MKLN1: variants seen among roughly 807,000 people sequenced by gnomAD.
MKLN1 encodes the protein muskelin 1.
In MKLN1, 18 loss-of-function variants were observed where a neutral mutation model predicts 99.0. That is an observed-to-expected ratio of 0.18 (90% CI 0.13 to 0.27). The LOEUF (loss-of-function observed/expected upper bound fraction) is 0.27, where lower values mean the gene tolerates loss of function less well. MKLN1 is among the 10% of genes least tolerant of loss of function. The pLI is 1.00. For synonymous variants in MKLN1, 288 were observed against 293.2 expected, an observed-to-expected ratio of 0.98 and a Z score of 0.18; for missense variants, 621 against 875.9, an observed-to-expected ratio of 0.71 and a Z score of 3.67.
At chr7:131,451,647 A>G (rs763354685) in intron 12 of MKLN1, among the ~76,000 whole-genome samples, 12 of 152,342 alleles carry the variant, frequency 7.9e-5, no homozygotes, top group Admixed American at 3.3e-4. Context: ...ATTTAAATCA[A>G]TGGATTGGCA....
chr7:131,345,056 T>C (rs1356750451), intron 1 of MKLN1, among the ~76,000 whole-genome samples: 1 of 152,208 alleles, frequency 6.6e-6, no homozygotes, highest in Non-Finnish European at 1.5e-5. Flanking sequence ...TCCACCCGCC[T>C]TGGCCTCCCA....
chr7:131,421,732 T>C (rs79170147), intron 8 of MKLN1, among the ~76,000 whole-genome samples: 5 of 152,322 alleles, frequency 3.3e-5, no homozygotes, highest in African/African-American at 1.2e-4. Flanking sequence ...TTTGCATAAT[T>C]TGACAAAATT....
intron 11 of MKLN1, among the ~76,000 whole-genome samples, chr7:131,444,718 GAGTAGTAGT>G (rs60571380): frequency 0.011 from 1,386 of 128,728 alleles, 22 homozygotes; most frequent in African/African-American, 0.02. Flanking sequence ...CCTGGGTTTT[GAGTAGTAGT>G]AGTAGTAGTA....
At chr7:131,477,807 A>G (rs1797008963) in intron 16 of MKLN1, among the ~76,000 whole-genome samples, 1 of 152,208 alleles carries the variant, frequency 6.6e-6, no homozygotes, top group Non-Finnish European at 1.5e-5. Flanking sequence ...CTAACTGCTC[A>G]AGTCTTGGGA....
chr7:131,434,697 G>A (rs776786271), intron 9 of MKLN1, among the ~76,000 whole-genome samples: 3 of 152,136 alleles, frequency 2.0e-5, no homozygotes, highest in Non-Finnish European at 4.4e-5. Flanking sequence ...GGGACCACAG[G>A]CGCGTGCCTC....
At position 131,121,961 on chromosome 7, in the gene MKLN1, T is replaced by A. The variant is rs573565745; in HGVS notation, c.-419+11754T>A. Among the ~76,000 whole-genome samples the A allele has an allele frequency of 1.5e-4, 23 of 152,342 alleles. 2 individuals are homozygous for A. The South Asian group carries it at 4.8e-3, about 32-fold the overall frequency. On this transcript the variant is annotated intron_variant, in intron 1 of 7. Transcript: ENST00000416992. ...GACTGAGAATCAGAAACCAGGAGAC[T>A]ACGGGGCCAAGGAAACCAAGAGAAG... is the stretch of plus-strand genomic sequence containing the variant.
chr7:131,300,711 G>A (rs67405488), intron 3 of MKLN1, among the ~76,000 whole-genome samples: 6,850 of 53,324 alleles, frequency 0.13, 502 homozygotes, highest in African/African-American at 0.24. Context: ...CAACCAAAAA[G>A]AAAAAAAAAG....
chr7:131,428,207 A>G (rs1016380881), intron 8 of MKLN1, among the ~76,000 whole-genome samples: 4 of 152,276 alleles, frequency 2.6e-5, no homozygotes, highest in African/African-American at 7.2e-5. Flanking sequence ...AGAAGGATCT[A>G]TGATACACAA....
At chr7:131,352,429 A>AT (rs1413086080) in intron 1 of MKLN1, among the ~76,000 whole-genome samples, 1 of 152,118 alleles carries the variant, frequency 6.6e-6, no homozygotes, top group Non-Finnish European at 1.5e-5. Context: ...TAGGAAATAA[A>AT]TTTTTTTAAG....
chr7:131,437,680 A>G, intron 9 of MKLN1, 105 bp from the exon 10 acceptor site: 3 of 844,644 alleles, frequency 3.6e-6, no homozygotes, highest in East Asian at 2.7e-5. Context: ...GAAACCTTTT[A>G]ATGAAAGGTA....
intron 16 of MKLN1, among the ~76,000 whole-genome samples, chr7:131,475,014 A>G (rs536791154): frequency 2.2e-4 from 34 of 152,298 alleles, no homozygotes; most frequent in Admixed American, 1.0e-3. Flanking sequence ...AGAACTCACT[A>G]TCACAAGAAC....
chr7:131,405,690 A>G (rs1230486673), intron 6 of MKLN1, among the ~76,000 whole-genome samples: 1 of 152,038 alleles, frequency 6.6e-6, no homozygotes, highest in East Asian at 1.9e-4. Context: ...GCTCTTTGGA[A>G]GAACTGTGGT....
At chr7:131,332,106 A>G (rs948381572) in intron 1 of MKLN1, among the ~76,000 whole-genome samples, 1 of 151,846 alleles carries the variant, frequency 6.6e-6, no homozygotes, top group African/African-American at 2.4e-5. Flanking sequence ...ATTTATTTCA[A>G]CTCTTTTCAA....
chr7:131,189,499 G>A (rs1796502121), intron 2 of MKLN1, among the ~76,000 whole-genome samples: 1 of 149,294 alleles, frequency 6.7e-6, no homozygotes, highest in African/African-American at 2.5e-5. Flanking sequence ...CGGTATTTCA[G>A]AATCCCCCTA....
chr7:131,299,454 AT>A (rs559493238), intron 3 of MKLN1, among the ~76,000 whole-genome samples: 2 of 152,114 alleles, frequency 1.3e-5, no homozygotes, highest in African/African-American at 4.8e-5. Flanking sequence ...TATGAGCTAG[AT>A]TTTTTTCTCC....
intron 12 of MKLN1, among the ~76,000 whole-genome samples, chr7:131,455,317 C>T (rs1300886918): frequency 1.3e-5 from 2 of 152,012 alleles, no homozygotes; most frequent in Non-Finnish European, 2.9e-5. Context: ...CTCCCATTTG[C>T]TTAGAGGATA....
chr7:131,167,684 A>T lies in MKLN1; in HGVS notation c.-297+24743A>T, dbSNP rs190577954. On this transcript the variant is annotated intron_variant, in intron 2 of 7. Transcript: ENST00000416992. ...AAGACTCTGTCTCAAAAAAAAAAAAAAATAATGTGGAAAAGAAAACACACA... is the reference window on the plus strand; with the variant it reads ...AAGACTCTGTCTCAAAAAAAAAAAATAATAATGTGGAAAAGAAAACACACA... Among the ~76,000 whole-genome samples, 1,330 of 151,958 alleles carry T rather than the reference A, an allele frequency of 8.8e-3. 18 individuals are homozygous for T. The highest frequency in any genetic ancestry group is 0.028 in the African/African-American group (1,174 of 41,396).
rs61649941 is a variant in MKLN1, at chr7:131,344,948, C to T, written c.98+16951C>T. On this transcript the variant is annotated intron_variant, in intron 1 of 17. Transcript: ENST00000352689. ...TCCCGAGTAGCTGGGATTACAGGCA[C>T]GCACCACTGCGCCTGGCTAATTTTT... 6.3e-3 allele frequency among the ~76,000 whole-genome samples: 961 copies of T among 152,054 alleles called. 7 individuals are homozygous for T. The highest frequency in any genetic ancestry group is 0.022 in the African/African-American group (901 of 41,480).
At chr7:131,418,369 CAAAAAAAAA>C (rs943898750) in intron 8 of MKLN1, among the ~76,000 whole-genome samples, 1 of 54,784 alleles carries the variant, frequency 1.8e-5, no homozygotes, top group African/African-American at 6.2e-5. Flanking sequence ...GACTTCGTCT[CAAAAAAAAA>C]AAAAAAAAAA....
Sources: allele counts gnomAD v4.1 joint callset (sites outside exome capture counted in the v4.1 genomes callset), GRCh38; gene constraint gnomAD v4.1.1; transcripts MANE v1.5; gene names NCBI Gene and HGNC (gene_info 2026-07-23, HGNC 2026-07-21).